The following UNC13C variants were observed in gnomAD, a reference collection of about 807,000 sequenced individuals.
UNC13C encodes unc-13 homolog C, also known as protein unc-13 homolog C.
A neutral mutation model predicts 245.4 loss-of-function variants in UNC13C; 174 were observed. That is an observed-to-expected ratio of 0.71 (90% CI 0.63 to 0.80). The LOEUF is 0.80. Ranked by LOEUF, UNC13C falls within the 30% of genes least tolerant of loss-of-function variation. The pLI, the probability that UNC13C is intolerant of heterozygous loss-of-function variation, is 0.00. For missense variants in UNC13C, 2,829 were observed against 2,602.9 expected (o/e 1.09, Z -1.89); for synonymous variants, 992 against 895.1 (o/e 1.11, Z -1.93).
intron 10 of UNC13C, among the ~76,000 whole-genome samples, chr15:54,269,979 G>A (rs1567148851): frequency 6.6e-6 from 1 of 152,146 alleles, no homozygotes; most frequent in Non-Finnish European, 1.5e-5. Context: ...AACTTTAAGT[G>A]AAGCTACACT....
chr15:54,315,490 T>A (rs1168775794), intron 13 of UNC13C, among the ~76,000 whole-genome samples: 1 of 151,638 alleles, frequency 6.6e-6, no homozygotes, highest in Non-Finnish European at 1.5e-5. Context: ...AATTATAGAA[T>A]TTACTTTTTT....
At chr15:53,902,512 G>A in the UNC13C span, among the ~76,000 whole-genome samples, 1 of 152,218 alleles carries the variant, frequency 6.6e-6, no homozygotes, top group African/African-American at 2.4e-5. Flanking sequence ...CATGGTAGTA[G>A]AAGGAGTAAT....
chr15:54,197,858 G>T (rs187389676), intron 4 of UNC13C, among the ~76,000 whole-genome samples: 1 of 152,224 alleles, frequency 6.6e-6, no homozygotes, highest in Admixed American at 6.5e-5. Flanking sequence ...ACTGCTGCAG[G>T]CTCCCTGAGA....
chr15:54,333,132 T>G (rs1596237141), intron 15 of UNC13C, among the ~76,000 whole-genome samples: 3 of 152,214 alleles, frequency 2.0e-5, no homozygotes, highest in Admixed American at 2.0e-4. Context: ...AAAAGCATGT[T>G]AACATGTGAA....
At chr15:54,065,675 G>A (rs950145536) in intron 2 of UNC13C, among the ~76,000 whole-genome samples, 1 of 152,172 alleles carries the variant, frequency 6.6e-6, no homozygotes, top group Non-Finnish European at 1.5e-5. Context: ...TCCAGTTAGT[G>A]GGAGAAAGAC....
chr15:54,177,091 G>A lies in UNC13C; in HGVS notation c.3071+33407G>A, dbSNP rs77890537. On this transcript the variant is annotated intron_variant, in intron 4 of 32. Coordinates refer to ENST00000260323, the MANE Select transcript of UNC13C (RefSeq NM_001080534.3). ...TCTGAAAACCTAAAGTGTTTCAAAG[G>A]CATTCTGAAAAAAAGATTTTAAAAA... is the stretch of plus-strand genomic sequence containing the variant. Among the ~76,000 whole-genome samples, 915 of 151,998 alleles carry A rather than the reference G, an allele frequency of 6.0e-3. 49 individuals are homozygous for A. In the East Asian group the frequency reaches 0.11, roughly 18 times the overall value.
At chr15:54,380,475 T>C (rs896280004) in intron 17 of UNC13C, among the ~76,000 whole-genome samples, 5 of 152,222 alleles carry the variant, frequency 3.3e-5, no homozygotes, top group African/African-American at 9.6e-5. Context: ...TTAATATCTT[T>C]TGGATATATA....
intron 19 of UNC13C, among the ~76,000 whole-genome samples, chr15:54,477,477 C>T (rs201322706): frequency 0.036 from 3,890 of 108,562 alleles, 728 homozygotes; most frequent in East Asian, 0.17. Context: ...TTTTGAGATA[C>T]GTCCCATCAA....
At chr15:54,366,973 C>T (rs943454896) in intron 17 of UNC13C, among the ~76,000 whole-genome samples, 2 of 152,106 alleles carry the variant, frequency 1.3e-5, no homozygotes, top group African/African-American at 4.8e-5. Flanking sequence ...ACTGTCTTCT[C>T]ACAGGAAAAC....
chr15:54,126,761 A>G (rs1210147681), intron 2 of UNC13C, among the ~76,000 whole-genome samples: 1 of 152,206 alleles, frequency 6.6e-6, no homozygotes, highest in Non-Finnish European at 1.5e-5. Flanking sequence ...CTATCTTCAG[A>G]GTGAACAGGC....
At chr15:54,344,900 C>T (rs560949735) in intron 17 of UNC13C, among the ~76,000 whole-genome samples, 59 of 152,124 alleles carry the variant, frequency 3.9e-4, no homozygotes, top group Non-Finnish European at 7.1e-4. Flanking sequence ...CCTAAGAGAG[C>T]TCAATGTGTC....
At chr15:54,075,437 CTTGCAGTGAGCCGG>C (rs1898550357) in intron 2 of UNC13C, among the ~76,000 whole-genome samples, 1 of 109,886 alleles carries the variant, frequency 9.1e-6, no homozygotes, top group Non-Finnish European at 2.3e-5. Context: ...TGAGCCGGAG[CTTGCAGTGAGCCGG>C]AGCTTGCAGT....
chr15:54,307,791 C>T (rs1013886212), intron 13 of UNC13C, among the ~76,000 whole-genome samples: 1 of 151,840 alleles, frequency 6.6e-6, no homozygotes, highest in African/African-American at 2.4e-5. Context: ...TAACTGGGCT[C>T]TAGCAACCCA....
At chr15:54,120,526 CACA>C (rs2030593506) in intron 2 of UNC13C, among the ~76,000 whole-genome samples, 1 of 152,106 alleles carries the variant, frequency 6.6e-6, no homozygotes, top group African/African-American at 2.4e-5. Flanking sequence ...CACCTACAAA[CACA>C]ACATCTATTC....
At chr15:54,632,130 A>C (rs1178560214), downstream of UNC13C, 1 of 152,156 alleles carries the variant, frequency 6.6e-6, no homozygotes, top group African/African-American at 2.4e-5. Context: ...TGACATCCAT[A>C]TATTTTGTTT....
In UNC13C at chr15:54,513,730, C is replaced by T. The variant is rs907347381; in HGVS notation, c.5457+1900C>T. Among the ~76,000 whole-genome samples the T allele has an allele frequency of 4.6e-5, 7 of 152,158 alleles. No individual in the cohort carries two copies. The East Asian group carries it at 5.8e-4, about 13-fold the overall frequency. On this transcript the variant is annotated intron_variant, in intron 24 of 32. Transcript: ENST00000260323. ...CCTCAGACACGATTTAAGAAGAAAG[C>T]GTAAATAAATCAGTGAAATAAAATG...
At chr15:54,017,768 C>T (rs1004977798) in intron 2 of UNC13C, among the ~76,000 whole-genome samples, 11 of 152,140 alleles carry the variant, frequency 7.2e-5, no homozygotes, top group Admixed American at 2.6e-4. Context: ...TACACACATG[C>T]TCTTGGTTAT....
At chr15:54,311,249 T>C (rs915798112) in intron 13 of UNC13C, among the ~76,000 whole-genome samples, 1 of 151,756 alleles carries the variant, frequency 6.6e-6, no homozygotes, top group Non-Finnish European at 1.5e-5. Flanking sequence ...CTAGTTATTT[T>C]TAAGAAGTTA....
At chr15:54,442,709 T>C (rs928982745) in intron 19 of UNC13C, among the ~76,000 whole-genome samples, 3 of 152,192 alleles carry the variant, frequency 2.0e-5, no homozygotes, top group African/African-American at 7.2e-5. Context: ...CATTCTTTGA[T>C]GTGATGTATC....
Sources: allele counts gnomAD v4.1 joint callset (sites outside exome capture counted in the v4.1 genomes callset), GRCh38; gene constraint gnomAD v4.1.1; transcripts MANE v1.5; gene names NCBI Gene and HGNC (gene_info 2026-07-23, HGNC 2026-07-21).